Variants in CDKL3 observed in about 807,000 individuals in gnomAD.
CDKL3 encodes cyclin dependent kinase like 3, also known as cyclin-dependent kinase-like 3.
CDKL3 carries 65 observed loss-of-function variants against 69.3 expected under a neutral mutation model. The ratio of observed to expected loss-of-function variants is 0.94; its 90% confidence interval spans 0.77 to 1.15. CDKL3 has a LOEUF of 1.15. Among genes scored for constraint, CDKL3 ranks in the 50% most tolerant of loss-of-function variants. The probability of loss-of-function intolerance (pLI) is 0.00; values close to 1 mark genes in which losing one functional copy is unlikely to be tolerated. For synonymous variants in CDKL3, 202 were observed against 221.6 expected (o/e 0.91, Z 0.79); for missense variants, 652 against 689.2 (o/e 0.95, Z 0.61).
intron 5 of CDKL3, 81 bp from the exon 6 acceptor site, chr5:134,319,578 G>C: frequency 1.7e-6 from 2 of 1,172,514 alleles, no homozygotes; most frequent in Non-Finnish European, 2.3e-6. Flanking sequence ...TGTCATCTAT[G>C]TTAGATTACT....
downstream of CDKL3, among the ~76,000 whole-genome samples, chr5:134,295,433 C>G (rs17167436): frequency 6.6e-6 from 1 of 151,994 alleles, no homozygotes; most frequent in African/African-American, 2.4e-5. Context: ...ATCTTTGACA[C>G]TGGAGTAAGG....
At chr5:134,294,879 A>G (rs1259171615), downstream of CDKL3, among the ~76,000 whole-genome samples, 3 of 152,178 alleles carry the variant, frequency 2.0e-5, no homozygotes, top group Non-Finnish European at 2.9e-5. Flanking sequence ...ACCAAAATAT[A>G]TAAAAATAAA....
At chr5:134,306,061 A>G (rs1048555931) in intron 10 of CDKL3, among the ~76,000 whole-genome samples, 1 of 152,234 alleles carries the variant, frequency 6.6e-6, no homozygotes, top group Non-Finnish European at 1.5e-5. Flanking sequence ...GTCACATGTT[A>G]AATACATAAA....
downstream of CDKL3, among the ~76,000 whole-genome samples, chr5:134,284,912 C>T (rs939763720): frequency 4.6e-5 from 7 of 152,174 alleles, no homozygotes; most frequent in Non-Finnish European, 8.8e-5. Flanking sequence ...TTCAAACACA[C>T]GTTTTACAAA....
chr5:134,312,173 A>T (rs768591522), intron 7 of CDKL3, 119 bp downstream of exon 7: 3 of 659,122 alleles, frequency 4.6e-6, no homozygotes, highest in East Asian at 5.8e-5. Context: ...TAACTCAATA[A>T]ATTTTTGTTA....
intron 4 of CDKL3, among the ~76,000 whole-genome samples, chr5:134,344,696 G>A (rs1400535551): frequency 6.6e-6 from 1 of 152,150 alleles, no homozygotes; most frequent in Non-Finnish European, 1.5e-5. Flanking sequence ...GGCTGAGGCG[G>A]GAGGATCACT....
rs372748941 is a variant in CDKL3 at position 134,312,345 on chromosome 5, T to G, written c.828A>C (p.Ser276=). ...ACTCATGATGCAAAAGATCACTAGA[T>G]GATATCCTGTCAGCAGGATCAATTT... The part of the protein sequence containing the change: ...CLQIDPADRI[S]SSDLLHHEYF... The change falls in exon 7 of 13, where the codon TCA becomes TCC. Residue 276 remains serine, a synonymous_variant. Transcript: ENST00000265334. 166 of 1,600,536 alleles carry G rather than the reference T, an allele frequency of 1.0e-4. No individual in the cohort carries two copies. Among genetic ancestry groups the G allele is most frequent in the Non-Finnish European group, 1.3e-4 (155 of 1,174,252 alleles).
At chr5:134,329,291 T>C (rs1439957214) in intron 4 of CDKL3, among the ~76,000 whole-genome samples, 6 of 152,002 alleles carry the variant, frequency 3.9e-5, no homozygotes, top group Non-Finnish European at 8.8e-5. Flanking sequence ...TGAGTCACGA[T>C]CACTCCACTG....
downstream of CDKL3, among the ~76,000 whole-genome samples, chr5:134,294,439 GAAAAAAGCAA>G (rs1032880729): frequency 1.6e-4 from 25 of 152,034 alleles, no homozygotes; most frequent in Non-Finnish European, 2.6e-4. Context: ...TCTGCTACAG[GAAAAAAGCAA>G]ATGTCCACTG....
At chr5:134,361,247 G>GA (rs1755935009) in intron 2 of CDKL3, among the ~76,000 whole-genome samples, 1 of 148,282 alleles carries the variant, frequency 6.7e-6, no homozygotes, top group Admixed American at 6.8e-5. Context: ...AAAATGAAGG[G>GA]TTTTTTTTTG....
At chr5:134,316,422 AC>A (rs1315401684) in intron 6 of CDKL3, among the ~76,000 whole-genome samples, 2 of 152,012 alleles carry the variant, frequency 1.3e-5, no homozygotes, top group Non-Finnish European at 2.9e-5. Context: ...AGACAGTGAA[AC>A]CCCGTCTCTA....
chr5:134,293,155 A>G (rs1036606896), intron 8 of CDKL3, among the ~76,000 whole-genome samples: 2 of 151,356 alleles, frequency 1.3e-5, no homozygotes, highest in Non-Finnish European at 2.9e-5. Context: ...CAGGTAGCTG[A>G]GATTACAGGC....
rs185314127 is a variant in CDKL3, at chr5:134,352,477, T to A, written c.361-2050A>T. ...CACCACGCCCGGCTAATTTTTGTAT[T>A]TTTAGTGGAGATGGGGTTTCACCAG... On this transcript the variant is annotated intron_variant, in intron 3 of 12. Transcript: ENST00000265334. Among the ~76,000 whole-genome samples, 713 of 152,080 alleles carry A rather than the reference T, an allele frequency of 4.7e-3. 2 individuals carry two copies. Among genetic ancestry groups the A allele is most frequent in the Non-Finnish European group, 6.5e-3 (440 of 67,968 alleles).
Position 134,319,348 on chromosome 5 carries a change from A to G in CDKL3, c.792+10T>C. 6.6e-7 allele frequency: 1 copy of G among 1,505,432 alleles called. No individual in the cohort carries two copies. The highest frequency in any genetic ancestry group is 8.8e-7 in the Non-Finnish European group (1 of 1,133,296). The allele number at this position is 1,505,432 out of a possible 1,614,324, so 93.3% of individuals were successfully genotyped here. ...CTGTCTCCGGGGGAGGAAAAAAAAA[A>G]AAAACATACATGAACTATATCTGCC... On this transcript the variant is annotated intron_variant, in intron 6 of 12. Transcript: ENST00000265334.
intron 1 of CDKL3, 113 bp from the exon 2 acceptor site, chr5:134,366,657 T>TAAA: frequency 3.4e-6 from 2 of 584,902 alleles, no homozygotes; most frequent in Non-Finnish European, 2.7e-6. Flanking sequence ...ATAGAGACAT[T>TAAA]AAAAAAAAAA....
Position 134,319,473 on chromosome 5 carries a change from T to G in CDKL3, c.677A>C (p.Asn226Thr). The change falls in exon 6 of 13, where the codon AAT becomes ACT. Residue 226 changes from asparagine (N) to threonine (T), a missense_variant. Coordinates refer to ENST00000265334, the MANE Select transcript of CDKL3 (RefSeq NM_001113575.2). Reference protein sequence around the residue: ...KVGNLSPHLQNIFSKSPIFAG... With the variant: ...KVGNLSPHLQTIFSKSPIFAG... ...AAAAATGGGGCTCTTGGAAAAGATA[T>G]TCTGCAAGTGAGGTGACAAATTGCC... 6.5e-7 allele frequency: 1 copy of G among 1,532,610 alleles called. No homozygotes were observed. The highest frequency in any genetic ancestry group is 8.8e-7 in the Non-Finnish European group (1 of 1,142,070). The allele number at this position is 1,532,610 out of a possible 1,614,324, so 94.9% of individuals were successfully genotyped here.
chr5:134,321,464 C>T (rs1438590159), intron 5 of CDKL3, among the ~76,000 whole-genome samples: 1 of 151,996 alleles, frequency 6.6e-6, no homozygotes, highest in African/African-American at 2.4e-5. Flanking sequence ...ATTTAAAGTC[C>T]TTATATAAAG....
intron 9 of CDKL3, among the ~76,000 whole-genome samples, chr5:134,307,625 G>A (rs1472303338): frequency 6.6e-6 from 1 of 152,170 alleles, no homozygotes; most frequent in Non-Finnish European, 1.5e-5. Flanking sequence ...CACTGCCCTT[G>A]ATTAACCAGA....
downstream of CDKL3, among the ~76,000 whole-genome samples, chr5:134,296,957 T>TA (rs1765389700): frequency 6.7e-6 from 1 of 149,464 alleles, no homozygotes; most frequent in Admixed American, 6.6e-5. Flanking sequence ...CTTTTCTTTT[T>TA]TTTTTTTTTT....
Sources: allele counts gnomAD v4.1 joint callset (sites outside exome capture counted in the v4.1 genomes callset), GRCh38; gene constraint gnomAD v4.1.1; transcripts MANE v1.5; gene names NCBI Gene and HGNC (gene_info 2026-07-23, HGNC 2026-07-21).